Variants in KLHL3 observed in about 807,000 individuals in gnomAD.
KLHL3 encodes kelch like family member 3.
KLHL3 carries 19 observed loss-of-function variants against 70.5 expected under a neutral mutation model. That is an observed-to-expected ratio of 0.27 (90% CI 0.19 to 0.40). The LOEUF is 0.40. KLHL3 is among the 10% of genes least tolerant of loss of function. The probability of loss-of-function intolerance (pLI) is 1.00; values close to 1 mark genes in which losing one functional copy is unlikely to be tolerated. For synonymous variants in KLHL3, 258 were observed against 290.3 expected (o/e 0.89, Z 1.13); for missense variants, 512 against 771.1 (o/e 0.66, Z 3.98).
intron 1 of KLHL3, among the ~76,000 whole-genome samples, chr5:137,732,544 A>G (rs149991601): frequency 6.6e-6 from 1 of 151,958 alleles, no homozygotes; most frequent in African/African-American, 2.4e-5. Flanking sequence ...GTAACTTACT[A>G]TAAGGAGATA....
In KLHL3 at chr5:137,621,801, C is replaced by T. The variant is rs1302304151; in HGVS notation, c.*297G>A. On this transcript the variant is annotated 3_prime_UTR_variant, in exon 15 of 15. Coordinates refer to ENST00000309755, the MANE Select transcript of KLHL3 (RefSeq NM_017415.3). ...CTACACACACACACACACACACACA[C>T]ACTCCAGGGTCTGTATTGTCCCTGT... 4 of 468,814 alleles carry T rather than the reference C, an allele frequency of 8.5e-6. No homozygotes were observed. Among genetic ancestry groups the T allele is most frequent in the South Asian group, 3.5e-5 (1 of 28,644 alleles). 29.0% of individuals were successfully genotyped at this position (468,814 alleles called of 1,614,324 possible).
intron 1 of KLHL3, among the ~76,000 whole-genome samples, chr5:137,732,069 T>C (rs903706394): frequency 1.3e-5 from 2 of 152,218 alleles, no homozygotes; most frequent in African/African-American, 2.4e-5. Context: ...ACCATTTATT[T>C]TGAAATTTTA....
At chr5:137,663,348 GCCCCAGCCCCAGGGCACTGGTTCTATGA>G (rs1277302693) in intron 6 of KLHL3, among the ~76,000 whole-genome samples, 2 of 151,578 alleles carry the variant, frequency 1.3e-5, no homozygotes, top group Non-Finnish European at 2.9e-5. Flanking sequence ...TGAGCCACCA[GCCCCAGCCCCAGGGCACTGGTTCTATGA>G]CCACCCACAG....
intron 3 of KLHL3, among the ~76,000 whole-genome samples, chr5:137,708,121 TA>T (rs1417799377): frequency 3.9e-5 from 6 of 152,186 alleles, no homozygotes; most frequent in Admixed American, 2.0e-4. Context: ...ATACTGAACT[TA>T]GCTAGTTTTC....
At chr5:137,680,267 G>A (rs552729946) in intron 5 of KLHL3, among the ~76,000 whole-genome samples, 26 of 152,186 alleles carry the variant, frequency 1.7e-4, no homozygotes, top group Non-Finnish European at 8.8e-5. Flanking sequence ...AATGGAGAAT[G>A]TAGTAAAGAG....
At chr5:137,665,965 G>A (rs1265934143) in intron 6 of KLHL3, among the ~76,000 whole-genome samples, 1 of 152,136 alleles carries the variant, frequency 6.6e-6, no homozygotes, top group Non-Finnish European at 1.5e-5. Context: ...ACCTATATGT[G>A]TACAAACATA....
intron 5 of KLHL3, among the ~76,000 whole-genome samples, chr5:137,681,144 C>T (rs1003014723): frequency 6.6e-6 from 1 of 152,082 alleles, no homozygotes; most frequent in African/African-American, 2.4e-5. Context: ...TTATTCAGTT[C>T]CTTGAGGCTG....
intron 8 of KLHL3, among the ~76,000 whole-genome samples, chr5:137,649,830 A>G (rs1751155770): frequency 6.6e-6 from 1 of 152,154 alleles, no homozygotes; most frequent in Non-Finnish European, 1.5e-5. Context: ...TATTGTGGGT[A>G]CTAGTATCAT....
chr5:137,722,265 C>T (rs182827109), intron 1 of KLHL3, among the ~76,000 whole-genome samples: 111 of 152,320 alleles, frequency 7.3e-4, no homozygotes, highest in Admixed American at 4.3e-3. Context: ...ACCAGCGTGG[C>T]AGACCCACAG....
At chr5:137,645,700 T>A (rs1751026711) in intron 8 of KLHL3, among the ~76,000 whole-genome samples, 1 of 152,092 alleles carries the variant, frequency 6.6e-6, no homozygotes, top group Non-Finnish European at 1.5e-5. Context: ...ATGGAAAGAA[T>A]TAATAATGTT....
chr5:137,628,308 C>T lies in KLHL3; in HGVS notation c.1580G>A (p.Arg527Gln), dbSNP rs1750534427. 9 of 1,614,062 alleles carry T rather than the reference C, an allele frequency of 5.6e-6. No individual in the cohort carries two copies. Among genetic ancestry groups the T allele is most frequent in the Non-Finnish European group, 6.8e-6 (8 of 1,179,992 alleles). The change falls in exon 13 of 15, where the codon CGG becomes CAG. Residue 527 changes from arginine (R) to glutamine (Q), a missense_variant. By Grantham distance (43) the Arg-to-Gln change is conservative. Coordinates refer to ENST00000309755, the MANE Select transcript of KLHL3 (RefSeq NM_017415.3). ...WKQVADMNMCRRNAGVCAVNG... is the reference protein window; with the variant it reads ...WKQVADMNMCQRNAGVCAVNG... ...AGAGCAGTCATTACCTGCGTTGCGC[C>T]GGCACATGTTCATGTCTGCCACTTG... is the stretch of plus-strand genomic sequence containing the variant.
intron 10 of KLHL3, among the ~76,000 whole-genome samples, chr5:137,637,848 C>T (rs370056908): frequency 6.6e-5 from 10 of 152,306 alleles, no homozygotes; most frequent in African/African-American, 2.2e-4. Flanking sequence ...CAGAAGTCTA[C>T]GGGGATTTCA....
rs1398925945 is a variant in KLHL3, at chr5:137,718,707, A to G, written c.134+1758T>C. On this transcript the variant is annotated intron_variant, in intron 2 of 14. Coordinates refer to ENST00000309755, the MANE Select transcript of KLHL3 (RefSeq NM_017415.3). ...AAAGAACTAAATGAGGAATTTCAAT[A>G]GTGTCTAGGAAAGACAAGACAAATT... is the stretch of plus-strand genomic sequence containing the variant. 3.9e-5 allele frequency among the ~76,000 whole-genome samples: 6 copies of G among 152,238 alleles called. No individual in the cohort carries two copies. In the East Asian group the frequency reaches 1.2e-3, roughly 29 times the overall value.
rs199469638 is a variant in KLHL3 at position 137,661,950 on chromosome 5, G to A, written c.718C>T (p.Arg240Ter). The change falls in exon 7 of 15, where the codon CGA becomes TGA. Residue 240 changes from arginine to a stop codon, truncating the protein, a stop_gained. Transcript: ENST00000309755. LOFTEE classifies it high-confidence loss of function. Reference protein sequence around the residue: ...EHMAKLMEHVRLPLLPRDYLV... With the variant: ...EHMAKLMEHV The stretch of plus-strand genomic sequence containing the variant: ...TAGTCCCTAGGTAAGAGAGGAAGTC[G>A]GACATGTTCCATCAGCTTTGCCATG... The A allele has an allele frequency of 2.5e-6, 4 of 1,611,146 alleles. No homozygotes were observed. In the Admixed American group the frequency reaches 5.0e-5, roughly 20 times the overall value.
Position 137,621,306 on chromosome 5 carries a change from G to C in KLHL3, c.*792C>G, listed in dbSNP as rs147537845. Reference sequence around the variant, plus strand: ...AAGAGCTAGTTTTCCCAGCTGAAGAGACATAACACCTCCCAGGCCTGGAAT... The same window carrying C: ...AAGAGCTAGTTTTCCCAGCTGAAGACACATAACACCTCCCAGGCCTGGAAT... On this transcript the variant is annotated 3_prime_UTR_variant, in exon 15 of 15. Transcript: ENST00000309755. 1.3e-5 allele frequency: 2 copies of C among 152,576 alleles called. No individual in the cohort carries two copies. The highest frequency in any genetic ancestry group is 6.5e-5 in the Admixed American group (1 of 15,278). 9.5% of individuals were successfully genotyped at this position (152,576 alleles called of 1,614,324 possible).
intron 5 of KLHL3, among the ~76,000 whole-genome samples, chr5:137,681,708 A>C (rs1425555725): frequency 6.6e-6 from 1 of 152,170 alleles, no homozygotes; most frequent in African/African-American, 2.4e-5. Context: ...GTAACTCTCC[A>C]ATAATAACTA....
intron 5 of KLHL3, among the ~76,000 whole-genome samples, chr5:137,685,504 C>T (rs1309811273): frequency 1.3e-5 from 2 of 152,254 alleles, no homozygotes; most frequent in Non-Finnish European, 2.9e-5. Flanking sequence ...GATCTCCCCA[C>T]TTCAGAGAGA....
intron 2 of KLHL3, among the ~76,000 whole-genome samples, chr5:137,715,590 A>G (rs1051919541): frequency 6.6e-6 from 1 of 152,196 alleles, no homozygotes; most frequent in Non-Finnish European, 1.5e-5. Flanking sequence ...ACTAAGGGCA[A>G]GATTTTAGTC....
chr5:137,677,534 C>A lies in KLHL3; in HGVS notation c.636+11G>T, dbSNP rs139850947. On this transcript the variant is annotated intron_variant, in intron 6 of 14. Coordinates refer to ENST00000309755, the MANE Select transcript of KLHL3 (RefSeq NM_017415.3). ...GTGAGGTTCCCGTTTCCCCAGTGAG[C>A]CATGTCATACCTTCTCTTCTGAAGA... The A allele has an allele frequency of 6.9e-5, 105 of 1,524,780 alleles. No individual in the cohort carries two copies. The African/African-American group carries it at 1.1e-3, about 16-fold the overall frequency. 94.5% of individuals were successfully genotyped at this position (1,524,780 alleles called of 1,614,324 possible). A position where few individuals can be genotyped will look rare whatever the true frequency, so the allele number is the denominator to read the frequency against.
Sources: allele counts gnomAD v4.1 joint callset (sites outside exome capture counted in the v4.1 genomes callset), GRCh38; gene constraint gnomAD v4.1.1; transcripts MANE v1.5; gene names NCBI Gene and HGNC (gene_info 2026-07-23, HGNC 2026-07-21).